OAS1: variants seen among roughly 807,000 people sequenced by gnomAD.
The protein encoded by OAS1 is 2'-5'-oligoadenylate synthase 1.
OAS1 carries 24 observed loss-of-function variants against 38.5 expected under a neutral mutation model. The ratio of observed to expected loss-of-function variants is 0.62; its 90% confidence interval spans 0.45 to 0.88. The LOEUF is 0.88. OAS1 is among the 40% of genes least tolerant of loss of function. The pLI, the probability that OAS1 is intolerant of heterozygous loss-of-function variation, is 0.00. For synonymous variants in OAS1, 169 were observed against 193.9 expected, an observed-to-expected ratio of 0.87 and a Z score of 1.07; for missense variants, 482 against 493.9, an observed-to-expected ratio of 0.98 and a Z score of 0.23.
chr12:112,909,001 A>T (rs2043340656), intron 2 of OAS1, 177 bp downstream of exon 2: 2 of 581,126 alleles, frequency 3.4e-6, no homozygotes, highest in Non-Finnish European at 5.6e-6. Flanking sequence ...AGAGACATTA[A>T]ACAGCAAATT....
In OAS1 at chr12:112,908,620, C is replaced by G; in HGVS notation, c.265C>G (p.Gln89Glu). 6.2e-7 allele frequency: 1 copy of G among 1,614,204 alleles called. No individual in the cohort carries two copies. The highest frequency in any genetic ancestry group is 8.5e-7 in the Non-Finnish European group (1 of 1,180,044). Residue 89 changes from glutamine (Q) to glutamate (E), a missense_variant, in exon 2 of 6, where the codon CAG (glutamine) becomes GAG (glutamate). Transcript: ENST00000202917. ...CTTCCTCAGTCCTCTCACCACTTTT[C>G]AGGATCAGTTAAATCGCCGGGGAGA... is the stretch of plus-strand genomic sequence containing the variant. ...VVFLSPLTTFQDQLNRRGEFI... is the reference protein window; with the variant it reads ...VVFLSPLTTFEDQLNRRGEFI...
chr12:112,917,526 T>A (rs2043477774), intron 4 of OAS1, 21 bp from the exon 5 acceptor site: 4 of 1,613,430 alleles, frequency 2.5e-6, no homozygotes, highest in Non-Finnish European at 3.4e-6. Flanking sequence ...CACCTGTCCC[T>A]CTCTAAATGC....
chr12:112,921,969 C>T (rs112485773), downstream of OAS1, among the ~76,000 whole-genome samples: 11 of 152,236 alleles, frequency 7.2e-5, 1 homozygote, highest in African/African-American at 1.9e-4. Flanking sequence ...ATCACCAGGT[C>T]GGTCCATAGA....
intron 6 of OAS1, among the ~76,000 whole-genome samples, chr12:112,929,964 C>T (rs1439239103): frequency 6.6e-6 from 1 of 152,174 alleles, no homozygotes; most frequent in Non-Finnish European, 1.5e-5. Flanking sequence ...ACCCAAATCT[C>T]ATGTTGAAAT....
intron 4 of OAS1, 145 bp downstream of exon 4, chr12:112,916,883 C>T: frequency 3.0e-6 from 2 of 660,808 alleles, no homozygotes; most frequent in Non-Finnish European, 5.4e-6. Context: ...CATTTTACTA[C>T]TGCCATCTGT....
chr12:112,907,856 A>G (rs183912172), intron 1 of OAS1: 1 of 152,444 alleles, frequency 6.6e-6, no homozygotes, highest in African/African-American at 2.4e-5. Flanking sequence ...TGGAGAGGGA[A>G]GTCTGAGTGG....
chr12:112,914,730 G>GTTT (rs60578734), intron 3 of OAS1, among the ~76,000 whole-genome samples: 2 of 118,500 alleles, frequency 1.7e-5, no homozygotes, highest in Admixed American at 8.7e-5. Context: ...GTTGGTATTT[G>GTTT]TTTTTTTTTT....
chr12:112,929,466 T>G (rs1032933737), intron 6 of OAS1, among the ~76,000 whole-genome samples: 25 of 152,360 alleles, frequency 1.6e-4, no homozygotes, highest in African/African-American at 5.3e-4. Flanking sequence ...CCTTTATAAA[T>G]TCTGCATTTG....
At chr12:112,909,057 G>T (rs2043341182) in intron 2 of OAS1, 1 of 466,776 alleles carries the variant, frequency 2.1e-6, no homozygotes. Flanking sequence ...CATCTGCAAG[G>T]CTTACTGGTT....
chr12:112,915,277 T>C (rs1179560188), intron 3 of OAS1, among the ~76,000 whole-genome samples: 1 of 152,198 alleles, frequency 6.6e-6, no homozygotes, highest in Non-Finnish European at 1.5e-5. Flanking sequence ...ATTTGATCGA[T>C]TTTGAGTTGA....
At chr12:112,929,325 C>T (rs894297442) in intron 6 of OAS1, among the ~76,000 whole-genome samples, 1 of 152,182 alleles carries the variant, frequency 6.6e-6, no homozygotes, top group Non-Finnish European at 1.5e-5. Flanking sequence ...GAATATCACA[C>T]CCCCATCCAT....
At chr12:112,931,789 A>C (rs2043598549) in intron 6 of OAS1, 1 of 574,672 alleles carries the variant, frequency 1.7e-6, no homozygotes, top group Non-Finnish European at 3.0e-6. Flanking sequence ...CAGAGTGGAG[A>C]TGCTTCTATA....
At chr12:112,917,399 G>T (rs2043476051) in intron 4 of OAS1, 148 bp from the exon 5 acceptor site, 12 of 979,392 alleles carry the variant, frequency 1.2e-5, no homozygotes, top group Non-Finnish European at 3.0e-6. Context: ...TGGGGAATAG[G>T]GCACTGGGGA....
chr12:112,910,105 C>T (rs1046708114), intron 2 of OAS1, among the ~76,000 whole-genome samples: 14 of 152,130 alleles, frequency 9.2e-5, no homozygotes, highest in Non-Finnish European at 1.5e-4. Flanking sequence ...CAGTGGCTCA[C>T]GCCTGTAATC....
downstream of OAS1, among the ~76,000 whole-genome samples, chr12:112,923,369 T>C (rs10774674): frequency 0.75 from 114,417 of 152,050 alleles, 44,275 homozygotes; most frequent in African/African-American, 0.94. Flanking sequence ...CTCACACTTG[T>C]TATCTTTTGT....
chr12:112,917,415 C>A, intron 4 of OAS1, 132 bp from the exon 5 acceptor site: 2 of 1,205,562 alleles, frequency 1.7e-6, no homozygotes, highest in Non-Finnish European at 2.3e-6. Context: ...GGGGACATAC[C>A]CCAGGGAGCC....
At position 112,919,396 on chromosome 12, in the gene OAS1, G is replaced by A. The variant is rs371364087; in HGVS notation, c.1046G>A (p.Ser349Asn). ...PVSSWILLAE[S>N]NSADDETDDP... ...TGTGTCTCACCCTTTCAGGCTGAAA[G>A]CAACAGTGCAGACGATGAGACCGAC... Residue 349 changes from serine (S) to asparagine (N), a missense_variant, in exon 6 of 6, where the codon AGC becomes AAC. By Grantham distance (46) the Ser-to-Asn change is conservative. Transcript: ENST00000202917. 28 of 1,612,070 alleles carry A rather than the reference G, an allele frequency of 1.7e-5. No homozygotes were observed. Among genetic ancestry groups the A allele is most frequent in the Non-Finnish European group, 2.2e-5 (26 of 1,178,588 alleles).
chr12:112,920,597 T>C (rs1311324363), downstream of OAS1, among the ~76,000 whole-genome samples: 1 of 152,256 alleles, frequency 6.6e-6, no homozygotes, highest in Admixed American at 6.5e-5. Flanking sequence ...GGTAAATCAC[T>C]GGATTAAAGA....
chr12:112,930,467 T>C (rs2043590745), intron 6 of OAS1, among the ~76,000 whole-genome samples: 1 of 152,224 alleles, frequency 6.6e-6, no homozygotes, highest in Non-Finnish European at 1.5e-5. Context: ...CTTCTCCTCA[T>C]GCTCACTGCC....
Sources: allele counts gnomAD v4.1 joint callset (sites outside exome capture counted in the v4.1 genomes callset), GRCh38; gene constraint gnomAD v4.1.1; transcripts MANE v1.5; gene names NCBI Gene and HGNC (gene_info 2026-07-23, HGNC 2026-07-21).